Variants in PRKCG observed in about 807,000 individuals in gnomAD.
PRKCG encodes the protein protein kinase C gamma type.
PRKCG carries 28 observed loss-of-function variants against 82.0 expected under a neutral mutation model. That is an observed-to-expected ratio of 0.34 (90% confidence interval 0.25 to 0.47). The LOEUF (loss-of-function observed/expected upper bound fraction) is 0.47, where lower values mean the gene tolerates loss of function less well. Ranked by LOEUF, PRKCG falls within the 20% of genes least tolerant of loss-of-function variation. The pLI, the probability that PRKCG is intolerant of heterozygous loss-of-function variation, is 1.00. For missense variants in PRKCG, 640 were observed against 952.7 expected (o/e 0.67, Z 4.32); for synonymous variants, 383 against 376.6 (o/e 1.02, Z -0.20).
Position 53,907,039 on chromosome 19 carries a change from G to A in PRKCG, c.*144G>A, listed in dbSNP as rs1172432216. On this transcript the variant is annotated 3_prime_UTR_variant, in exon 18 of 18. Transcript: ENST00000263431. ...AGCTCTGCCCCCGCGGGTTCTAGAC[G>A]CCCCTCCCAAGCGTTCCTGGCCTTC... 2.6e-6 allele frequency: 4 copies of A among 1,520,710 alleles called. No individual in the cohort carries two copies. Among genetic ancestry groups the A allele is most frequent in the East Asian group, 2.5e-5 (1 of 40,680 alleles). 94.2% of individuals were successfully genotyped at this position (1,520,710 alleles called of 1,614,324 possible).
At chr19:53,890,042 C>T in intron 5 of PRKCG, 25 bp downstream of exon 5, 1 of 1,546,306 alleles carries the variant, frequency 6.5e-7, no homozygotes, top group Non-Finnish European at 8.7e-7. Context: ...CCTCGCCTGG[C>T]CCCGCCCCCT....
rs772396605 is a variant in PRKCG, at chr19:53,891,799, C to T, written c.655C>T (p.Leu219=). 4 of 1,614,124 alleles carry T rather than the reference C, an allele frequency of 2.5e-6. No individual in the cohort carries two copies. The highest frequency in any genetic ancestry group is 3.4e-6 in the Non-Finnish European group (4 of 1,180,026). The change falls in exon 6 of 18, where the codon CTA becomes TTA. Residue 219 remains leucine, a synonymous_variant. Coordinates refer to ENST00000263431, the MANE Select transcript of PRKCG (RefSeq NM_002739.5). The stretch of plus-strand genomic sequence containing the variant: ...GAAGACCCGAACGGTGAAAGCCACG[C>T]TAAACCCTGTGTGGAATGAGACCTT... ...KQKTRTVKAT[L]NPVWNETFVF... is the part of the protein sequence containing the mutation.
intron 9 of PRKCG, among the ~76,000 whole-genome samples, chr19:53,896,468 G>A (rs2068719192): frequency 6.6e-6 from 1 of 151,748 alleles, no homozygotes; most frequent in African/African-American, 2.4e-5. Context: ...CGCCCAGGCT[G>A]GAATGCAGTG....
At chr19:53,887,094 C>G (rs1228635139) in intron 3 of PRKCG, among the ~76,000 whole-genome samples, 3 of 151,522 alleles carry the variant, frequency 2.0e-5, no homozygotes, top group Non-Finnish European at 4.4e-5. Context: ...GCTGTTGAGA[C>G]AGGGTCTCAC....
chr19:53,884,366 G>A lies in PRKCG; in HGVS notation c.285+123G>A. ...GAGGGGAGGGGGGCTGGAGAGATAGGGGGAGCTATCTGGCCCAGATTCCTT... is the reference window on the plus strand; with the variant it reads ...GAGGGGAGGGGGGCTGGAGAGATAGAGGGAGCTATCTGGCCCAGATTCCTT... On this transcript the variant is annotated intron_variant, in intron 3 of 17. Transcript: ENST00000263431. This position sits in a 1 kb window ranked among gnomAD's most constrained non-coding sequence, Gnocchi z 4.6. The A allele has an allele frequency of 1.0e-6, 1 of 967,398 alleles. No individual in the cohort carries two copies. Among genetic ancestry groups the A allele is most frequent in the Non-Finnish European group, 1.6e-6 (1 of 615,242 alleles). 59.9% of individuals were successfully genotyped at this position (967,398 alleles called of 1,614,324 possible).
chr19:53,897,834 G>T, intron 9 of PRKCG, 125 bp from the exon 10 acceptor site: 1 of 1,308,278 alleles, frequency 7.6e-7, no homozygotes. Context: ...GTAGGAGGGT[G>T]GCCATTTTCC....
intron 11 of PRKCG, 34 bp downstream of exon 11, chr19:53,898,662 G>T (rs1020962395): frequency 6.5e-7 from 1 of 1,543,936 alleles, no homozygotes; most frequent in Non-Finnish European, 8.8e-7. Flanking sequence ...TGTCCTCCGG[G>T]CCCTGCCTTA....
chr19:53,895,873 C>T (rs1038840137), intron 9 of PRKCG, among the ~76,000 whole-genome samples: 4 of 152,038 alleles, frequency 2.6e-5, no homozygotes, highest in Non-Finnish European at 2.9e-5. Context: ...TCCTGGCTAA[C>T]ACGGTGAATC....
At position 53,902,153 on chromosome 19, in the gene PRKCG, C is replaced by T. The variant is rs1452308957; in HGVS notation, c.1576-920C>T. 2.6e-5 allele frequency among the ~76,000 whole-genome samples: 4 copies of T among 152,130 alleles called. No homozygotes were observed. In the East Asian group the frequency reaches 5.8e-4, roughly 22 times the overall value. On this transcript the variant is annotated intron_variant, in intron 14 of 17. Coordinates refer to ENST00000263431, the MANE Select transcript of PRKCG (RefSeq NM_002739.5). ...CTGAGGCCAGACATGGTGGCTCATGCCTGTAATCCCAGCACTTTGGGAAGC... is the reference window on the plus strand; with the variant it reads ...CTGAGGCCAGACATGGTGGCTCATGTCTGTAATCCCAGCACTTTGGGAAGC...
intron 9 of PRKCG, among the ~76,000 whole-genome samples, chr19:53,895,713 T>C (rs1303290861): frequency 6.6e-6 from 1 of 152,162 alleles, no homozygotes; most frequent in African/African-American, 2.4e-5. Flanking sequence ...GCCTCAAATG[T>C]CTGCCTACTA....
At chr19:53,897,712 A>G (rs1300366748) in intron 9 of PRKCG, among the ~76,000 whole-genome samples, 1 of 151,464 alleles carries the variant, frequency 6.6e-6, no homozygotes, top group Non-Finnish European at 1.5e-5. Flanking sequence ...GAAACAGCAT[A>G]TGATAAGCTA....
At position 53,883,315 on chromosome 19, in the gene PRKCG, C is replaced by CG. The variant is rs1177818646; in HGVS notation, c.202+127dup. Reference sequence around the variant, plus strand: ...CAGAGAGGCGCGGGGGAGCCCGGGGCGGGGGGTGTGGCAGAGACACAGCCT... The same window carrying CG: ...CAGAGAGGCGCGGGGGAGCCCGGGGCGGGGGGGTGTGGCAGAGACACAGCCT... On this transcript the variant is annotated intron_variant, in intron 2 of 17. Coordinates refer to ENST00000263431, the MANE Select transcript of PRKCG (RefSeq NM_002739.5). The surrounding 1 kb of genome is among the most constrained non-coding windows in gnomAD (Gnocchi z 5.4). 30 of 1,226,766 alleles carry CG rather than the reference C, an allele frequency of 2.4e-5. No individual in the cohort carries two copies. The highest frequency in any genetic ancestry group is 3.3e-5 in the Non-Finnish European group (28 of 852,462). The allele number at this position is 1,226,766 out of a possible 1,614,324, so 76.0% of individuals were successfully genotyped here.
rs2068607444 is a variant in PRKCG at position 53,883,370 on chromosome 19, C to T, written c.202+176C>T. ...TGGGGAGGGAGCTTTGATGGTGGGG[C>T]CACCGCGGAGGTGGTGCTGGGGGCC... On this transcript the variant is annotated intron_variant, in intron 2 of 17. Coordinates refer to ENST00000263431, the MANE Select transcript of PRKCG (RefSeq NM_002739.5). This position sits in a 1 kb window ranked among gnomAD's most constrained non-coding sequence, Gnocchi z 5.4. Among the ~76,000 whole-genome samples the T allele has an allele frequency of 6.6e-6, 1 of 151,330 alleles. No homozygotes were observed. The highest frequency in any genetic ancestry group is 1.5e-5 in the Non-Finnish European group (1 of 67,740).
chr19:53,906,213 T>C lies in PRKCG; in HGVS notation c.1765-104T>C, dbSNP rs960555905. The C allele has an allele frequency of 3.6e-5, 53 of 1,453,072 alleles. No individual in the cohort carries two copies. The African/African-American group carries it at 7.5e-4, about 21-fold the overall frequency. 90.0% of individuals were successfully genotyped at this position (1,453,072 alleles called of 1,614,324 possible). A position where few individuals can be genotyped will look rare whatever the true frequency, so the allele number is the denominator to read the frequency against. On this transcript the variant is annotated intron_variant, in intron 16 of 17. Coordinates refer to ENST00000263431, the MANE Select transcript of PRKCG (RefSeq NM_002739.5). The stretch of plus-strand genomic sequence containing the variant: ...TATCTCTCCGGATCTCATGCCTGTG[T>C]CTCTTGGTTCCTCCATCTGCCTGTC...
chr19:53,885,604 A>G (rs1276046467), intron 3 of PRKCG, among the ~76,000 whole-genome samples: 2 of 152,166 alleles, frequency 1.3e-5, no homozygotes, highest in Non-Finnish European at 2.9e-5. Context: ...GGACACTTCC[A>G]GGCTTGTTTT....
intron 11 of PRKCG, among the ~76,000 whole-genome samples, chr19:53,899,531 G>A (rs994421793): frequency 3.9e-5 from 6 of 152,204 alleles, no homozygotes; most frequent in Admixed American, 2.0e-4. Flanking sequence ...ACTTCCAGGG[G>A]CTCCGAATGA....
Position 53,892,429 on chromosome 19 carries a change from C to G in PRKCG, c.687-80C>G. ...GAGCCCCAGCTGGCTGGGTTTGCCC[C>G]CACCTCCAGCACCAAGGATGGGGAA... On this transcript the variant is annotated intron_variant, in intron 6 of 17. Coordinates refer to ENST00000263431, the MANE Select transcript of PRKCG (RefSeq NM_002739.5). This position sits in a 1 kb window ranked among gnomAD's most constrained non-coding sequence, Gnocchi z 5.9. The G allele has an allele frequency of 7.7e-6, 12 of 1,556,302 alleles. No individual in the cohort carries two copies. The highest frequency in any genetic ancestry group is 1.4e-5 in the African/African-American group (1 of 73,838).
chr19:53,898,790 G>GGGGT (rs1555807844), intron 11 of PRKCG, among the ~76,000 whole-genome samples, 162 bp downstream of exon 11: 2 of 116,716 alleles, frequency 1.7e-5, no homozygotes, highest in Non-Finnish European at 3.4e-5. Flanking sequence ...GCCGGGGGGG[G>GGGGT]GTCCTTGGGG....
chr19:53,897,356 C>G (rs577384020), intron 9 of PRKCG, among the ~76,000 whole-genome samples: 2 of 152,106 alleles, frequency 1.3e-5, no homozygotes, highest in African/African-American at 4.8e-5. Flanking sequence ...CCCTGGGGGG[C>G]CGAGGCAGGA....
Sources: gnomAD v4.1 joint callset for allele counts (sites outside exome capture counted in the v4.1 genomes callset) on GRCh38, gnomAD v4.1.1 for gene constraint, Gnocchi (gnomAD v3.1) non-coding constraint, MANE v1.5 for transcripts, NCBI Gene and HGNC (gene_info 2026-07-23, HGNC 2026-07-21) for gene names.